Variants in PHACTR3 observed in about 807,000 individuals in gnomAD.
PHACTR3 encodes the protein protein phosphatase 1, regulatory subunit 123.
PHACTR3 carries 16 observed loss-of-function variants against 66.8 expected under a neutral mutation model. That is an observed-to-expected ratio of 0.24 (90% CI 0.16 to 0.36). The LOEUF (loss-of-function observed/expected upper bound fraction) is 0.36. Ranked by LOEUF, PHACTR3 falls within the 10% of genes least tolerant of loss-of-function variation. PHACTR3 has a pLI of 1.00. For synonymous variants in PHACTR3, 323 were observed against 292.1 expected (o/e 1.11, Z -1.08); for missense variants, 647 against 719.9 (o/e 0.90, Z 1.16).
At chr20:59,616,543 CT>C (rs1225468825) in intron 1 of PHACTR3, among the ~76,000 whole-genome samples, 4 of 152,238 alleles carry the variant, frequency 2.6e-5, no homozygotes, top group African/African-American at 9.6e-5. Context: ...GCGTTGCCCC[CT>C]GATTTCCTAG....
intron 3 of PHACTR3, among the ~76,000 whole-genome samples, chr20:59,754,794 C>T (rs1427815690): frequency 6.6e-6 from 1 of 152,246 alleles, no homozygotes; most frequent in East Asian, 1.9e-4. Flanking sequence ...CTTCTCATGC[C>T]AGTGCTGCAT....
chr20:59,616,745 A>G (rs2034039041), intron 1 of PHACTR3, among the ~76,000 whole-genome samples: 1 of 152,226 alleles, frequency 6.6e-6, no homozygotes. Context: ...AGGGAGCACT[A>G]GCTGTTTGCT....
At chr20:59,590,057 A>G (rs901770797) in intron 1 of PHACTR3, among the ~76,000 whole-genome samples, 5 of 152,088 alleles carry the variant, frequency 3.3e-5, no homozygotes, top group African/African-American at 9.7e-5. Context: ...CCATAGTCAT[A>G]TGTGTCTGTG....
intron 1 of PHACTR3, among the ~76,000 whole-genome samples, chr20:59,723,090 C>CTTTCTT (rs1260089122): frequency 7.0e-6 from 1 of 142,730 alleles, no homozygotes; most frequent in Non-Finnish European, 1.5e-5. Context: ...TTCTTTCTTT[C>CTTTCTT]TTTCTTTCTT....
intron 7 of PHACTR3, among the ~76,000 whole-genome samples, chr20:59,802,550 A>G (rs992498997): frequency 6.6e-6 from 1 of 152,172 alleles, no homozygotes; most frequent in Non-Finnish European, 1.5e-5. Context: ...GGGATGGAAG[A>G]TGGGACCTGA....
intron 1 of PHACTR3, among the ~76,000 whole-genome samples, chr20:59,594,600 T>G (rs553366949): frequency 5.1e-4 from 77 of 152,302 alleles, no homozygotes; most frequent in Non-Finnish European, 9.6e-4. Context: ...TCTGTCATTA[T>G]CCTTTTAATG....
At chr20:59,824,840 C>G (rs916657912) in intron 8 of PHACTR3, among the ~76,000 whole-genome samples, 3 of 152,208 alleles carry the variant, frequency 2.0e-5, no homozygotes, top group Admixed American at 6.5e-5. Context: ...TTCCAACTTT[C>G]TGCCCTCTGC....
chr20:59,695,675 A>C (rs1231457136), intron 1 of PHACTR3, among the ~76,000 whole-genome samples: 2 of 151,646 alleles, frequency 1.3e-5, no homozygotes, highest in Non-Finnish European at 2.9e-5. Context: ...CCGCTTAGAC[A>C]CTCAATTTCT....
intron 8 of PHACTR3, among the ~76,000 whole-genome samples, chr20:59,816,929 TGAG>T (rs2041902499): frequency 6.6e-6 from 1 of 152,076 alleles, no homozygotes; most frequent in African/African-American, 2.4e-5. Context: ...GTTAGATGGA[TGAG>T]GAGGTGAATG....
chr20:59,822,563 G>A (rs73917306), intron 8 of PHACTR3, among the ~76,000 whole-genome samples: 3,467 of 152,050 alleles, frequency 0.023, 143 homozygotes, highest in African/African-American at 0.079. Flanking sequence ...TGGGCTGGTG[G>A]GCGCTGGTGC....
chr20:59,624,228 C>T (rs1352435730), intron 1 of PHACTR3, among the ~76,000 whole-genome samples: 3 of 152,144 alleles, frequency 2.0e-5, no homozygotes, highest in Admixed American at 6.5e-5. Context: ...AAGCCAAGTA[C>T]AGCATGCACC....
At chr20:59,833,391 C>T (rs1035670616) in intron 8 of PHACTR3, among the ~76,000 whole-genome samples, 10 of 152,216 alleles carry the variant, frequency 6.6e-5, no homozygotes, top group South Asian at 4.1e-4. Context: ...ACATGGTCCG[C>T]GATCAGCTGG....
At chr20:59,772,132 A>G (rs148687984) in intron 5 of PHACTR3, among the ~76,000 whole-genome samples, 14 of 152,354 alleles carry the variant, frequency 9.2e-5, no homozygotes, top group Admixed American at 6.5e-4. Context: ...GGGAAATGGC[A>G]GATCAAGACC....
chr20:59,835,309 G>A (rs552111678), intron 8 of PHACTR3, among the ~76,000 whole-genome samples: 10 of 151,978 alleles, frequency 6.6e-5, no homozygotes, highest in Non-Finnish European at 1.3e-4. Flanking sequence ...ACTGAACATC[G>A]AGATATGATG....
chr20:59,740,771 C>T (rs1009182736), intron 1 of PHACTR3, among the ~76,000 whole-genome samples: 6 of 152,236 alleles, frequency 3.9e-5, no homozygotes, highest in Non-Finnish European at 7.3e-5. Context: ...AGCCAGACCC[C>T]GTGGAAGCTC....
At chr20:59,768,160 G>A (rs1423680155) in intron 5 of PHACTR3, among the ~76,000 whole-genome samples, 5 of 152,236 alleles carry the variant, frequency 3.3e-5, no homozygotes, top group Non-Finnish European at 4.4e-5. Flanking sequence ...AGCAAGTAGA[G>A]ATAATTACTT....
In PHACTR3 at chr20:59,773,217, G is replaced by T. The variant is rs1398268185; in HGVS notation, c.752-62G>T. The stretch of plus-strand genomic sequence containing the variant: ...TTTCCGCTCATGGTCCCCAGTCTCA[G>T]CAAAACCCTTGGTCCCAGCTCCTGA... On this transcript the variant is annotated intron_variant, in intron 5 of 12. Coordinates refer to ENST00000371015, the MANE Select transcript of PHACTR3 (RefSeq NM_080672.5). The T allele has an allele frequency of 2.6e-6, 4 of 1,551,080 alleles. No individual in the cohort carries two copies. The Admixed American group carries it at 7.4e-5, about 29-fold the overall frequency.
At chr20:59,657,944 T>C (rs1157840890) in intron 1 of PHACTR3, among the ~76,000 whole-genome samples, 2 of 152,298 alleles carry the variant, frequency 1.3e-5, no homozygotes, top group Admixed American at 1.3e-4. Flanking sequence ...ATTATACATA[T>C]GTTGGTCCAC....
intron 1 of PHACTR3, among the ~76,000 whole-genome samples, chr20:59,682,549 T>C (rs771092094): frequency 6.6e-6 from 1 of 152,098 alleles, no homozygotes; most frequent in Non-Finnish European, 1.5e-5. Flanking sequence ...TAGTAATAAG[T>C]GTTGTGGGAA....
Sources: allele counts gnomAD v4.1 joint callset (sites outside exome capture counted in the v4.1 genomes callset), GRCh38; gene constraint gnomAD v4.1.1; transcripts MANE v1.5; gene names NCBI Gene and HGNC (gene_info 2026-07-23, HGNC 2026-07-21).